The following PRKCE variants were observed in gnomAD, a reference collection of about 807,000 sequenced individuals.
PRKCE encodes protein kinase C epsilon type.
Under a neutral mutation model 85.4 loss-of-function variants are expected in PRKCE, and 16 were observed. The ratio of observed to expected loss-of-function variants is 0.19; its 90% CI spans 0.13 to 0.28. The LOEUF (loss-of-function observed/expected upper bound fraction) is 0.28, where lower values mean the gene tolerates loss of function less well. Among genes scored for constraint, PRKCE ranks in the 10% least tolerant of loss-of-function variants. The pLI is 1.00. For synonymous variants in PRKCE, 388 were observed against 371.5 expected (o/e 1.04, Z -0.51); for missense variants, 573 against 975.2 (o/e 0.59, Z 5.49).
chr2:46,164,945 A>G (rs1678186952), intron 14 of PRKCE: 1 of 152,262 alleles, frequency 6.6e-6, no homozygotes, highest in African/African-American at 2.4e-5. Context: ...GATTGTCCAG[A>G]TTCATAGCTG....
chr2:46,134,369 A>G (rs1187374258), intron 11 of PRKCE, among the ~76,000 whole-genome samples: 1 of 151,594 alleles, frequency 6.6e-6, no homozygotes, highest in Non-Finnish European at 1.5e-5. Flanking sequence ...ATCATCATAC[A>G]CTCTCCTGAT....
At chr2:45,923,852 G>A (rs556088296) in intron 2 of PRKCE, among the ~76,000 whole-genome samples, 2 of 152,210 alleles carry the variant, frequency 1.3e-5, no homozygotes, top group Non-Finnish European at 2.9e-5. Flanking sequence ...GGAAAGCAAA[G>A]GTGAGGTGGT....
At chr2:45,798,595 G>T (rs981763057) in intron 1 of PRKCE, among the ~76,000 whole-genome samples, 2 of 152,206 alleles carry the variant, frequency 1.3e-5, no homozygotes, top group Non-Finnish European at 2.9e-5. Context: ...TGTAAAGCCA[G>T]AGTTTTATAT....
At chr2:45,932,821 A>G (rs1286598694) in intron 2 of PRKCE, among the ~76,000 whole-genome samples, 1 of 152,158 alleles carries the variant, frequency 6.6e-6, no homozygotes, top group African/African-American at 2.4e-5. Context: ...TCGTCATGCT[A>G]CTTTGTCTCC....
intron 1 of PRKCE, among the ~76,000 whole-genome samples, chr2:45,693,094 C>T (rs1311670727): frequency 1.3e-5 from 2 of 152,088 alleles, no homozygotes; most frequent in East Asian, 3.9e-4. Flanking sequence ...AAGTCAGGAA[C>T]AGATCCTGAG....
At chr2:45,700,014 G>A (rs1486168853) in intron 1 of PRKCE, among the ~76,000 whole-genome samples, 1 of 152,120 alleles carries the variant, frequency 6.6e-6, no homozygotes, top group Non-Finnish European at 1.5e-5. Context: ...GCTGTTGAGG[G>A]GAGGCAGTGG....
At chr2:45,852,190 A>G (rs919754776) in intron 2 of PRKCE, among the ~76,000 whole-genome samples, 1 of 152,224 alleles carries the variant, frequency 6.6e-6, no homozygotes, top group African/African-American at 2.4e-5. Flanking sequence ...GCCGATGGTC[A>G]TACCTACTTT....
chr2:45,699,456 C>A (rs368319003), intron 1 of PRKCE, among the ~76,000 whole-genome samples: 21 of 152,208 alleles, frequency 1.4e-4, no homozygotes, highest in East Asian at 7.7e-4. Context: ...ATGAGTTAAC[C>A]ATGAGTTACA....
intron 2 of PRKCE, among the ~76,000 whole-genome samples, chr2:45,892,875 T>A (rs1695836182): frequency 6.6e-6 from 1 of 152,150 alleles, no homozygotes; most frequent in Admixed American, 6.5e-5. Context: ...CGACCAGAAA[T>A]GTGCAGCAGT....
At chr2:46,140,832 C>T (rs184040509) in intron 11 of PRKCE, among the ~76,000 whole-genome samples, 17 of 151,772 alleles carry the variant, frequency 1.1e-4, no homozygotes, top group South Asian at 2.1e-4. Flanking sequence ...TCCTAAAAAT[C>T]GATAAAAAAC....
intron 11 of PRKCE, among the ~76,000 whole-genome samples, chr2:46,108,233 C>G (rs1315891841): frequency 5.9e-5 from 9 of 152,142 alleles, no homozygotes; most frequent in Admixed American, 1.3e-4. Flanking sequence ...TTTATGAGTT[C>G]TGTGTATATT....
At position 45,786,451 on chromosome 2, in the gene PRKCE, T is replaced by G. The variant is rs34265341; in HGVS notation, c.349-56549T>G. The stretch of plus-strand genomic sequence containing the variant: ...CGTTTCTGTACCCACCCACTCCCTC[T>G]CTTTCTGGCTGCTCCTAGTATCTGC... On this transcript the variant is annotated intron_variant, in intron 1 of 14. Transcript: ENST00000306156. This position sits in a 1 kb window ranked among gnomAD's most constrained non-coding sequence, Gnocchi z 5.3. 0.014 allele frequency among the ~76,000 whole-genome samples: 2,178 copies of G among 152,300 alleles called. 54 individuals carry two copies. The highest frequency in any genetic ancestry group is 0.05 in the African/African-American group (2,063 of 41,556).
intron 2 of PRKCE, among the ~76,000 whole-genome samples, chr2:45,948,610 G>A (rs988948443): frequency 1.3e-5 from 2 of 152,214 alleles, no homozygotes; most frequent in Non-Finnish European, 2.9e-5. Context: ...CTGCACTCTA[G>A]CCTGGGTGAC....
chr2:45,921,334 T>C (rs1183737292), intron 2 of PRKCE, among the ~76,000 whole-genome samples: 2 of 152,056 alleles, frequency 1.3e-5, no homozygotes, highest in Non-Finnish European at 2.9e-5. Context: ...TGATAGGAAA[T>C]ATAAATTGTT....
At chr2:45,835,786 G>C (rs1690820358) in intron 1 of PRKCE, among the ~76,000 whole-genome samples, 1 of 151,944 alleles carries the variant, frequency 6.6e-6, no homozygotes, top group African/African-American at 2.4e-5. Context: ...GTAGAGAGAA[G>C]GTCTCAGTAT....
intron 11 of PRKCE, among the ~76,000 whole-genome samples, chr2:46,100,258 C>T (rs933118263): frequency 6.6e-6 from 1 of 152,184 alleles, no homozygotes; most frequent in Non-Finnish European, 1.5e-5. Context: ...TGTCATTCCT[C>T]GGAAGGTGAG....
chr2:45,974,077 T>A (rs1215768573), intron 2 of PRKCE, among the ~76,000 whole-genome samples: 1 of 152,182 alleles, frequency 6.6e-6, no homozygotes, highest in East Asian at 1.9e-4. Context: ...TGGATTGGAT[T>A]TTTGTAGGTA....
At chr2:45,771,753 C>A (rs1374523179) in intron 1 of PRKCE, among the ~76,000 whole-genome samples, 2 of 141,786 alleles carry the variant, frequency 1.4e-5, no homozygotes, top group Non-Finnish European at 3.2e-5. Context: ...GTGTTGGGGG[C>A]TGGCTAACAC....
chr2:45,892,160 G>A (rs564202265), intron 2 of PRKCE, among the ~76,000 whole-genome samples: 1 of 152,240 alleles, frequency 6.6e-6, no homozygotes, highest in South Asian at 2.1e-4. Context: ...AGGCTTGCCC[G>A]TCTCTCTGCC....
Sources: allele counts gnomAD v4.1 joint callset (sites outside exome capture counted in the v4.1 genomes callset), GRCh38; gene constraint gnomAD v4.1.1; non-coding constraint Gnocchi (gnomAD v3.1); transcripts MANE v1.5; gene names NCBI Gene and HGNC (gene_info 2026-07-23, HGNC 2026-07-21).